The following ESRRG variants were observed in gnomAD, a reference collection of about 807,000 sequenced individuals.
ESRRG encodes estrogen-related receptor gamma.
Under a neutral mutation model 44.0 loss-of-function variants are expected in ESRRG, and 13 were observed. That is an observed-to-expected ratio of 0.30 (90% confidence interval 0.19 to 0.47). The LOEUF (loss-of-function observed/expected upper bound fraction) is 0.47. ESRRG is among the 20% of genes least tolerant of loss of function. The probability of loss-of-function intolerance (pLI) is 1.00; values close to 1 mark genes in which losing one functional copy is unlikely to be tolerated. For synonymous variants in ESRRG, 215 were observed against 214.6 expected (o/e 1.00, Z -0.02); for missense variants, 395 against 580.6 (o/e 0.68, Z 3.29).
chr1:216,976,466 CTG>C (rs2072930086), intron 1 of ESRRG, among the ~76,000 whole-genome samples: 1 of 152,132 alleles, frequency 6.6e-6, no homozygotes, highest in African/African-American at 2.4e-5. Context: ...TAAACCATGT[CTG>C]TGCTGTTGGC....
chr1:216,950,336 G>A (rs966833245), intron 1 of ESRRG, among the ~76,000 whole-genome samples: 51 of 152,252 alleles, frequency 3.3e-4, no homozygotes, highest in African/African-American at 1.1e-3. Context: ...TGTAAAGTAG[G>A]AACACCTAGA....
chr1:216,549,517 T>A (rs1288292048), intron 5 of ESRRG, among the ~76,000 whole-genome samples: 1 of 152,070 alleles, frequency 6.6e-6, no homozygotes, highest in Admixed American at 6.6e-5. Context: ...GAGAGCATAA[T>A]TAGAGAAAAG....
intron 3 of ESRRG, among the ~76,000 whole-genome samples, chr1:216,580,690 T>C (rs1274777682): frequency 6.6e-6 from 1 of 152,174 alleles, no homozygotes; most frequent in Non-Finnish European, 1.5e-5. Flanking sequence ...TCTCTTCCAG[T>C]TCTAAAAGTC....
chr1:216,887,375 T>C (rs2057165467), intron 2 of ESRRG, among the ~76,000 whole-genome samples: 1 of 152,232 alleles, frequency 6.6e-6, no homozygotes. Flanking sequence ...AAACTTGAAC[T>C]ATCAGAACTA....
At chr1:216,867,507 A>T (rs2096186485) in intron 2 of ESRRG, among the ~76,000 whole-genome samples, 1 of 152,158 alleles carries the variant, frequency 6.6e-6, no homozygotes, top group African/African-American at 2.4e-5. Flanking sequence ...ACTTAAGATA[A>T]CATATCTTTG....
At chr1:216,631,805 G>T (rs963103351) in intron 3 of ESRRG, among the ~76,000 whole-genome samples, 1 of 152,040 alleles carries the variant, frequency 6.6e-6, no homozygotes, top group Non-Finnish European at 1.5e-5. Flanking sequence ...GTGAATACTA[G>T]TGTCTCAGAA....
At chr1:216,811,404 T>C (rs945532749) in intron 2 of ESRRG, among the ~76,000 whole-genome samples, 4 of 152,210 alleles carry the variant, frequency 2.6e-5, no homozygotes, top group African/African-American at 9.6e-5. Flanking sequence ...TAATGACTTC[T>C]GATTTTAGGG....
At chr1:216,802,810 A>G (rs1466610239) in intron 2 of ESRRG, among the ~76,000 whole-genome samples, 1 of 152,170 alleles carries the variant, frequency 6.6e-6, no homozygotes, top group Non-Finnish European at 1.5e-5. Flanking sequence ...TAATTTTCTC[A>G]GCAAATCTAT....
At chr1:216,790,071 A>C (rs2148059867) in intron 2 of ESRRG, among the ~76,000 whole-genome samples, 1 of 152,286 alleles carries the variant, frequency 6.6e-6, no homozygotes, top group African/African-American at 2.4e-5. Context: ...AGAATGACCA[A>C]GACCAATGAG....
chr1:217,069,790 G>A (rs865876492), intron 1 of ESRRG, among the ~76,000 whole-genome samples: 1 of 152,250 alleles, frequency 6.6e-6, no homozygotes, highest in South Asian at 2.1e-4. Context: ...ATAGTGTCTG[G>A]TGGACTCCAG....
intron 3 of ESRRG, among the ~76,000 whole-genome samples, chr1:216,632,673 A>G (rs889907331): frequency 6.6e-6 from 1 of 152,218 alleles, no homozygotes; most frequent in African/African-American, 2.4e-5. Context: ...TACCTGTACT[A>G]GTCAACAGTT....
At chr1:216,847,573 G>A (rs2095774055) in intron 2 of ESRRG, among the ~76,000 whole-genome samples, 1 of 152,070 alleles carries the variant, frequency 6.6e-6, no homozygotes. Context: ...GATGATGAGA[G>A]CCAGGATGAA....
chr1:216,640,292 G>A (rs767372308), intron 3 of ESRRG, among the ~76,000 whole-genome samples: 19 of 152,052 alleles, frequency 1.2e-4, no homozygotes, highest in African/African-American at 2.9e-4. Flanking sequence ...GGCTAGCACC[G>A]GGCACCTCAG....
Position 216,506,784 on chromosome 1 carries a change from A to T in ESRRG, c.*155T>A. On this transcript the variant is annotated 3_prime_UTR_variant, in exon 7 of 7. Transcript: ENST00000408911. ...AAACTCATCAGGAACCTATGGAGGA[A>T]TCTGAAAGCTGCTTCATAGTCTTGC... The T allele has an allele frequency of 1.3e-6, 1 of 755,378 alleles. No homozygotes were observed. The highest frequency in any genetic ancestry group is 2.2e-6 in the Non-Finnish European group (1 of 459,846). 46.8% of individuals were successfully genotyped at this position (755,378 alleles called of 1,614,324 possible). A position where few individuals can be genotyped will look rare whatever the true frequency, so the allele number is the denominator to read the frequency against.
upstream of ESRRG, among the ~76,000 whole-genome samples, chr1:216,726,490 C>A (rs1193331540): frequency 6.6e-6 from 1 of 152,060 alleles, no homozygotes; most frequent in Non-Finnish European, 1.5e-5. Context: ...ATGAGTAATA[C>A]TGAGCTTAAA....
chr1:216,863,137 G>A (rs924456328), intron 2 of ESRRG: 2 of 152,098 alleles, frequency 1.3e-5, no homozygotes, highest in Non-Finnish European at 1.5e-5. Context: ...TGTTGGGTCC[G>A]ATGCCCAGAG....
At chr1:216,945,768 G>A (rs17044431) in intron 1 of ESRRG, among the ~76,000 whole-genome samples, 2,689 of 152,260 alleles carry the variant, frequency 0.018, 81 homozygotes, top group African/African-American at 0.061. Flanking sequence ...AAAAAGAGCC[G>A]ACAGTGTTCT....
chr1:217,011,571 T>TA lies in ESRRG; in HGVS notation c.-105-71899dup, dbSNP rs542502955. Among the ~76,000 whole-genome samples, 248 of 152,172 alleles carry TA rather than the reference T, an allele frequency of 1.6e-3. 3 individuals are homozygous for TA. The East Asian group carries it at 0.036, about 22-fold the overall frequency. On this transcript the variant is annotated intron_variant, in intron 1 of 7. Coordinates refer to the ESRRG transcript ENST00000359162. ...TTTGCTAGATAATCTCCCAAGGAAA[T>TA]AAAAAAAACTTCACTCCTCGTTTCA...
At chr1:216,948,544 C>A (rs557511101) in intron 1 of ESRRG, among the ~76,000 whole-genome samples, 63 of 150,088 alleles carry the variant, frequency 4.2e-4, no homozygotes, top group African/African-American at 1.5e-3. Flanking sequence ...AGGTAATAGT[C>A]ATTAGCTAAT....
Sources: gnomAD v4.1 joint callset for allele counts (sites outside exome capture counted in the v4.1 genomes callset) on GRCh38, gnomAD v4.1.1 for gene constraint, MANE v1.5 for transcripts, NCBI Gene and HGNC (gene_info 2026-07-23, HGNC 2026-07-21) for gene names.